Variants in WIPF3 observed in about 807,000 individuals in gnomAD.
The protein encoded by WIPF3 is WAS/WASL-interacting protein family member 3.
In WIPF3, 33 loss-of-function variants were observed where a neutral mutation model predicts 38.9. That is an observed-to-expected ratio of 0.85 (90% CI 0.64 to 1.14). The LOEUF is 1.14. Ranked by LOEUF, WIPF3 falls within the 50% of genes most tolerant of loss-of-function variation. The pLI, the probability that WIPF3 is intolerant of heterozygous loss-of-function variation, is 0.00. For missense variants in WIPF3, 711 were observed against 652.5 expected, an observed-to-expected ratio of 1.09 and a Z score of -0.98; for synonymous variants, 324 against 269.3, an observed-to-expected ratio of 1.20 and a Z score of -1.99.
chr7:29,913,842 G>A (rs1453046378), intron 8 of WIPF3, among the ~76,000 whole-genome samples: 1 of 152,208 alleles, frequency 6.6e-6, no homozygotes, highest in Non-Finnish European at 1.5e-5. Context: ...GTCACACACT[G>A]TGCAGGATCT....
chr7:29,874,417 T>C (rs573453790), intron 2 of WIPF3, among the ~76,000 whole-genome samples: 2 of 152,258 alleles, frequency 1.3e-5, no homozygotes, highest in East Asian at 3.9e-4. Context: ...TATAAACTTA[T>C]ACCCTATGAT....
At chr7:29,888,489 G>GCA (rs1785933013) in intron 6 of WIPF3, among the ~76,000 whole-genome samples, 4 of 130,446 alleles carry the variant, frequency 3.1e-5, no homozygotes, top group Admixed American at 7.3e-5. Context: ...GTGTGAGTGT[G>GCA]TGTGCGTGTG....
intron 2 of WIPF3, among the ~76,000 whole-genome samples, chr7:29,846,164 A>G (rs145569765): frequency 3.2e-4 from 48 of 152,372 alleles, no homozygotes; most frequent in African/African-American, 1.0e-3. Context: ...TTTAAAAGCC[A>G]TAAAGTATCT....
chr7:29,894,059 G>A (rs1442065530), intron 7 of WIPF3, among the ~76,000 whole-genome samples: 1 of 152,154 alleles, frequency 6.6e-6, no homozygotes, highest in Non-Finnish European at 1.5e-5. Context: ...ACAAAAACAG[G>A]TGTGGGCTGG....
intron 5 of WIPF3, among the ~76,000 whole-genome samples, chr7:29,885,798 A>T (rs1377190883): frequency 1.3e-5 from 2 of 152,224 alleles, no homozygotes; most frequent in African/African-American, 4.8e-5. Flanking sequence ...ATTGGATGAC[A>T]GAGCCAGATG....
intron 1 of WIPF3, among the ~76,000 whole-genome samples, chr7:29,830,729 C>T (rs1404885858): frequency 6.6e-6 from 1 of 152,034 alleles, no homozygotes; most frequent in Admixed American, 6.5e-5. Flanking sequence ...TTGCATACTT[C>T]TCTGAGGCAA....
rs1040178105 is a variant in WIPF3, at chr7:29,834,243, C to A, written c.-57-425C>A. Among the ~76,000 whole-genome samples, 6 of 152,254 alleles carry A rather than the reference C, an allele frequency of 3.9e-5. No homozygotes were observed. In the East Asian group the frequency reaches 1.2e-3, roughly 29 times the overall value. On this transcript the variant is annotated intron_variant, in intron 1 of 8. Transcript: ENST00000242140. ...GTGACATTCAGAAAAGGTTACATTT[C>A]ATTCTGTTTGCTCTGCTTAGGAAAA...
chr7:29,884,952 T>C (rs1332451914), intron 5 of WIPF3, among the ~76,000 whole-genome samples: 2 of 152,196 alleles, frequency 1.3e-5, no homozygotes, highest in African/African-American at 4.8e-5. Flanking sequence ...GAGGGATTAT[T>C]TATTCTTACT....
At chr7:29,806,845 C>A (rs527975328) in intron 1 of WIPF3, among the ~76,000 whole-genome samples, 167 bp downstream of exon 1, 4 of 151,394 alleles carry the variant, frequency 2.6e-5, no homozygotes, top group Non-Finnish European at 5.9e-5. Flanking sequence ...AGCCCCGGGC[C>A]CAGGAGGTTG....
chr7:29,821,052 T>C (rs1279049362), intron 1 of WIPF3, among the ~76,000 whole-genome samples: 3 of 152,176 alleles, frequency 2.0e-5, no homozygotes, highest in Non-Finnish European at 4.4e-5. Flanking sequence ...CTTTCTCTCC[T>C]CAACTCTTGA....
chr7:29,865,430 G>A (rs1186206551), intron 2 of WIPF3, among the ~76,000 whole-genome samples: 1 of 152,146 alleles, frequency 6.6e-6, no homozygotes, highest in Non-Finnish European at 1.5e-5. Flanking sequence ...GGGTAAATAC[G>A]CTTTTGGCAG....
At chr7:29,887,713 A>G (rs1361685397) in intron 5 of WIPF3, among the ~76,000 whole-genome samples, 1 of 152,140 alleles carries the variant, frequency 6.6e-6, no homozygotes, top group Non-Finnish European at 1.5e-5. Flanking sequence ...GTACCTGATG[A>G]TGAAGGTTAT....
chr7:29,902,427 TTATAAG>T (rs1336832277), intron 7 of WIPF3, among the ~76,000 whole-genome samples: 1 of 152,158 alleles, frequency 6.6e-6, no homozygotes, highest in African/African-American at 2.4e-5. Flanking sequence ...GATTAATGTG[TTATAAG>T]TTTTAGAGAC....
At chr7:29,872,551 T>G (rs950090066) in intron 2 of WIPF3, among the ~76,000 whole-genome samples, 7 of 152,004 alleles carry the variant, frequency 4.6e-5, no homozygotes, top group Non-Finnish European at 1.0e-4. Context: ...CCCAGCACTT[T>G]GGGAGGCCGA....
At chr7:29,888,276 C>T in intron 6 of WIPF3, 59 bp downstream of exon 6, 5 of 1,543,358 alleles carry the variant, frequency 3.2e-6, no homozygotes, top group Non-Finnish European at 4.4e-6. Context: ...TTCTCCCAAC[C>T]TCTGGAGAGA....
Position 29,829,471 on chromosome 7 carries a change from G to A in WIPF3, c.-57-5197G>A, listed in dbSNP as rs1224574535. 1.3e-4 allele frequency among the ~76,000 whole-genome samples: 20 copies of A among 152,072 alleles called. No homozygotes were observed. In the East Asian group the frequency reaches 1.4e-3, roughly 10 times the overall value. ...TGACCTCAAGTGATCCACCTGCCTC[G>A]GCCTCCCAAAGTGCTAGGATTACAG... On this transcript the variant is annotated intron_variant, in intron 1 of 8. Coordinates refer to ENST00000242140, the MANE Select transcript of WIPF3 (RefSeq NM_001080529.3).
At chr7:29,839,190 T>C (rs1189279388) in intron 2 of WIPF3, among the ~76,000 whole-genome samples, 1 of 152,238 alleles carries the variant, frequency 6.6e-6, no homozygotes, top group African/African-American at 2.4e-5. Flanking sequence ...AGTATCACTT[T>C]ATAGAAATAC....
chr7:29,872,794 A>C (rs1398434735), intron 2 of WIPF3, among the ~76,000 whole-genome samples: 3 of 110,536 alleles, frequency 2.7e-5, no homozygotes, highest in South Asian at 3.3e-4. Flanking sequence ...GTGAGACTCC[A>C]TCTCAAAAAA....
chr7:29,850,292 A>T (rs1210375880), intron 2 of WIPF3, among the ~76,000 whole-genome samples: 1 of 152,240 alleles, frequency 6.6e-6, no homozygotes, highest in African/African-American at 2.4e-5. Context: ...AAAATTAGAG[A>T]GATTGACTTT....
Sources: allele counts gnomAD v4.1 joint callset (sites outside exome capture counted in the v4.1 genomes callset), GRCh38; gene constraint gnomAD v4.1.1; transcripts MANE v1.5; gene names NCBI Gene and HGNC (gene_info 2026-07-23, HGNC 2026-07-21).